OVCH1: variants seen among roughly 807,000 people sequenced by gnomAD.
The protein encoded by OVCH1 is ovochymase 1, also known as ovochymase-1.
In OVCH1, 139 loss-of-function variants were observed where a neutral mutation model predicts 138.4. That is an observed-to-expected ratio of 1.00 (90% CI 0.87 to 1.16). The LOEUF is 1.16. Ranked by LOEUF, OVCH1 falls within the 50% of genes most tolerant of loss-of-function variation. OVCH1 has a pLI of 0.00. For missense variants in OVCH1, 1,367 were observed against 1,357.9 expected (o/e 1.01, Z -0.11); for synonymous variants, 453 against 467.8 (o/e 0.97, Z 0.41).
At chr12:29,445,519 A>G in intron 22 of OVCH1, 116 bp from the exon 23 acceptor site, 1 of 1,057,074 alleles carries the variant, frequency 9.5e-7, no homozygotes. Context: ...TCCATTCTGT[A>G]AAATGATGAA....
intron 27 of OVCH1, among the ~76,000 whole-genome samples, chr12:29,433,060 A>G (rs1941297563): frequency 6.6e-6 from 1 of 152,242 alleles, no homozygotes; most frequent in Non-Finnish European, 1.5e-5. Flanking sequence ...GCTAAAAAAA[A>G]GAGAAATCCA....
intron 4 of OVCH1, among the ~76,000 whole-genome samples, chr12:29,494,207 G>A (rs1326627181): frequency 6.6e-6 from 1 of 152,148 alleles, no homozygotes; most frequent in Non-Finnish European, 1.5e-5. Flanking sequence ...GAAAGTTCCA[G>A]GTTCTTTACA....
chr12:29,475,581 T>C (rs1250321862), intron 13 of OVCH1, among the ~76,000 whole-genome samples: 3 of 152,162 alleles, frequency 2.0e-5, no homozygotes, highest in Non-Finnish European at 2.9e-5. Flanking sequence ...CCTCACACTA[T>C]ACATGCACTG....
At chr12:29,439,517 C>T in intron 25 of OVCH1, 2 of 1,345,224 alleles carry the variant, frequency 1.5e-6, no homozygotes, top group Non-Finnish European at 1.9e-6. Flanking sequence ...TCTACACCAA[C>T]TAAAGGAAAA....
At chr12:29,422,443 T>C (rs1378977925) in intron 3 of OVCH1, among the ~76,000 whole-genome samples, 2 of 152,192 alleles carry the variant, frequency 1.3e-5, no homozygotes, top group African/African-American at 4.8e-5. Flanking sequence ...TCACTGAAGG[T>C]TGGTCATTAG....
At chr12:29,442,865 C>T (rs947739023) in intron 25 of OVCH1, among the ~76,000 whole-genome samples, 39 of 151,910 alleles carry the variant, frequency 2.6e-4, no homozygotes, top group African/African-American at 9.2e-4. Flanking sequence ...GCATTTTTCT[C>T]ATTGACAATT....
At chr12:29,483,817 C>T (rs1943010383) in intron 8 of OVCH1, among the ~76,000 whole-genome samples, 1 of 152,140 alleles carries the variant, frequency 6.6e-6, no homozygotes, top group African/African-American at 2.4e-5. Flanking sequence ...CATAACTATC[C>T]TTCAACGCCT....
intron 22 of OVCH1, among the ~76,000 whole-genome samples, chr12:29,450,870 C>A (rs1243558728): frequency 6.6e-6 from 1 of 152,016 alleles, no homozygotes; most frequent in Non-Finnish European, 1.5e-5. Context: ...TTTACAGGGA[C>A]ATGGATGAAG....
At chr12:29,443,681 CT>C (rs1233007332) in intron 24 of OVCH1, among the ~76,000 whole-genome samples, 181 bp from the exon 25 acceptor site, 1 of 152,028 alleles carries the variant, frequency 6.6e-6, no homozygotes, top group African/African-American at 2.4e-5. Flanking sequence ...ACTTTATTAT[CT>C]AATACGTAAT....
intron 27 of OVCH1, among the ~76,000 whole-genome samples, chr12:29,428,120 T>C (rs2135895558): frequency 6.6e-6 from 1 of 152,270 alleles, no homozygotes; most frequent in South Asian, 2.1e-4. Context: ...GGTGCTAGTC[T>C]ATGATAAGGT....
intron 26 of OVCH1, among the ~76,000 whole-genome samples, chr12:29,438,838 T>C (rs1366906781): frequency 6.6e-6 from 1 of 152,220 alleles, no homozygotes; most frequent in East Asian, 1.9e-4. Flanking sequence ...CATTTTAATA[T>C]TCAATTTTCC....
intron 8 of OVCH1, among the ~76,000 whole-genome samples, chr12:29,484,292 G>GT (rs1266132882): frequency 1.3e-5 from 2 of 152,166 alleles, no homozygotes; most frequent in African/African-American, 2.4e-5. Context: ...AGAAATAAAT[G>GT]TGACAGAATT....
chr12:29,417,955 C>G (rs549650090), intron 3 of OVCH1, among the ~76,000 whole-genome samples: 28 of 152,218 alleles, frequency 1.8e-4, no homozygotes, highest in South Asian at 4.2e-4. Context: ...GAAAAGACAG[C>G]AAAAGGGAGG....
At chr12:29,490,062 T>G (rs1943233068) in intron 5 of OVCH1, among the ~76,000 whole-genome samples, 1 of 152,070 alleles carries the variant, frequency 6.6e-6, no homozygotes, top group African/African-American at 2.4e-5. Context: ...ATGGCAATGT[T>G]TTATAAAAAT....
intron 4 of OVCH1, among the ~76,000 whole-genome samples, chr12:29,494,749 G>A (rs1379787755): frequency 1.3e-5 from 2 of 152,162 alleles, no homozygotes; most frequent in African/African-American, 2.4e-5. Context: ...TCCCTCATGT[G>A]TGAGCTAAAA....
rs760795284 is a variant in OVCH1, at chr12:29,475,135, G to A, written c.1526C>T (p.Thr509Met). 5.4e-5 allele frequency: 85 copies of A among 1,560,614 alleles called. No homozygotes were observed. Among genetic ancestry groups the A allele is most frequent in the Non-Finnish European group, 6.5e-5 (75 of 1,152,496 alleles). Residue 509 changes from threonine (T) to methionine (M), a missense_variant, in exon 14 of 28, where the codon ACG (threonine) becomes ATG (methionine). Physicochemically the swap from Thr to Met is moderately conservative, Grantham distance 81 (BLOSUM62 -1). Coordinates refer to ENST00000318184, the Ensembl canonical transcript of OVCH1. ...ACCATCACTTTTAAAGTATATCACC[G>A]TCATGTTACTAGAACTGAATATTGA...
chr12:29,473,046 A>G (rs12810633), exon 15 of OVCH1: 1 of 1,610,914 alleles, frequency 6.2e-7, no homozygotes, highest in Non-Finnish European at 8.5e-7. Context: ...AATAGCTTTT[A>G]CGGTAGATAC....
chr12:29,414,092 T>G (rs1941001070), intron 3 of OVCH1, among the ~76,000 whole-genome samples: 1 of 149,934 alleles, frequency 6.7e-6, no homozygotes, highest in African/African-American at 2.5e-5. Flanking sequence ...CAATCTCGGC[T>G]GACTGCAACC....
intron 5 of OVCH1, among the ~76,000 whole-genome samples, chr12:29,490,138 A>G (rs1943234914): frequency 6.6e-6 from 1 of 152,212 alleles, no homozygotes; most frequent in African/African-American, 2.4e-5. Context: ...ATCAAGGCTC[A>G]CTGTAGCCTC....
Sources: allele counts gnomAD v4.1 joint callset (sites outside exome capture counted in the v4.1 genomes callset), GRCh38; gene constraint gnomAD v4.1.1; transcripts MANE v1.5; gene names NCBI Gene and HGNC (gene_info 2026-07-23, HGNC 2026-07-21).